OXNAD1: variants seen among roughly 807,000 people sequenced by gnomAD.
OXNAD1 encodes the protein oxidoreductase NAD-binding domain-containing protein 1.
A neutral mutation model predicts 32.9 loss-of-function variants in OXNAD1; 34 were observed. The ratio of observed to expected loss-of-function variants is 1.03; its 90% CI spans 0.79 to 1.38. The LOEUF is 1.38. Among genes scored for constraint, OXNAD1 ranks in the 40% most tolerant of loss-of-function variants. The pLI is 0.00. For synonymous variants in OXNAD1, 134 were observed against 135.2 expected (o/e 0.99, Z 0.06); for missense variants, 407 against 379.4 (o/e 1.07, Z -0.60).
At chr3:16,282,043 T>G in intron 4 of OXNAD1, among the ~76,000 whole-genome samples, 2 of 134,942 alleles carry the variant, frequency 1.5e-5, no homozygotes, top group African/African-American at 5.3e-5. Context: ...TGTAATTTTT[T>G]TTTTTTTTTT....
chr3:16,313,780 C>T (rs1353418385), intron 9 of OXNAD1: 1 of 152,322 alleles, frequency 6.6e-6, no homozygotes, highest in African/African-American at 2.4e-5. Context: ...TTTTCCACTA[C>T]ACCAAGCCCA....
At position 16,284,795 on chromosome 3, in the gene OXNAD1, G is replaced by A. The variant is rs1441489667; in HGVS notation, c.184-1547G>A. Among the ~76,000 whole-genome samples the A allele has an allele frequency of 2.6e-5, 4 of 152,226 alleles. No homozygotes were observed. The South Asian group carries it at 6.2e-4, about 24-fold the overall frequency. Reference sequence around the variant, plus strand: ...GCCCAGAGTCACACAGCTGGTAAGCGGTAGAGCCAGGACTAAATACCAGGC... The same window carrying A: ...GCCCAGAGTCACACAGCTGGTAAGCAGTAGAGCCAGGACTAAATACCAGGC... On this transcript the variant is annotated intron_variant, in intron 4 of 8. Transcript: ENST00000285083. This position sits in a 1 kb window ranked among gnomAD's most constrained non-coding sequence, Gnocchi z 4.1.
intron 1 of OXNAD1, among the ~76,000 whole-genome samples, chr3:16,268,696 T>A (rs1575033265): frequency 6.6e-6 from 1 of 152,312 alleles, no homozygotes; most frequent in Non-Finnish European, 1.5e-5. Context: ...TCAAACAGCA[T>A]AATCATTAAA....
At position 16,271,512 on chromosome 3, in the gene OXNAD1, A is replaced by T; in HGVS notation, c.120-147A>T. The T allele has an allele frequency of 6.1e-6, 4 of 655,672 alleles. No homozygotes were observed. The highest frequency in any genetic ancestry group is 3.1e-5 in the East Asian group (1 of 31,816). 40.6% of individuals were successfully genotyped at this position (655,672 alleles called of 1,614,324 possible). On this transcript the variant is annotated intron_variant, in intron 3 of 8. Coordinates refer to ENST00000285083, the MANE Select transcript of OXNAD1 (RefSeq NM_138381.5). The surrounding 1 kb of genome is among the most constrained non-coding windows in gnomAD (Gnocchi z 4.6). ...AGCCACCATGCCCGGCCAAAACTTT[A>T]GTTAGACGGGCAGATACTCACTGGC...
chr3:16,271,047 C>G lies in OXNAD1; in HGVS notation c.95C>G (p.Thr32Ser), dbSNP rs574928949. ...GCGTCACTGAGATTGACACTCAGCA[C>G]TTTGCGCCACCTTACTCTAACCAGG... ...EAASLRLTLS[T>S]LRHLTLTSIM... Residue 32 changes from threonine to serine, a missense_variant, in exon 3 of 9, where the codon ACT becomes AGT. Transcript: ENST00000285083. This position sits in a 1 kb window ranked among gnomAD's most constrained non-coding sequence, Gnocchi z 4.6. 1 of 1,614,152 alleles carries G rather than the reference C, an allele frequency of 6.2e-7. No homozygotes were observed. The highest frequency in any genetic ancestry group is 2.2e-5 in the East Asian group (1 of 44,882).
At position 16,316,212 on chromosome 3, in the gene OXNAD1, G is replaced by C. The variant is rs1427615842; in HGVS notation, c.*30+12620G>C. 1 of 154,164 alleles carries C rather than the reference G, an allele frequency of 6.5e-6. No individual in the cohort carries two copies. Among genetic ancestry groups the C allele is most frequent in the Non-Finnish European group, 1.4e-5 (1 of 69,216 alleles). 9.5% of individuals were successfully genotyped at this position (154,164 alleles called of 1,614,324 possible). ...TGAACATTCTGCAAAAGTAGGTGCA[G>C]AGACAGAATTACTTCTTCATTTCCA... On this transcript the variant is annotated intron_variant, in intron 9 of 9. Transcript: ENST00000435829. The surrounding 1 kb of genome is among the most constrained non-coding windows in gnomAD (Gnocchi z 4.5).
In OXNAD1 at chr3:16,277,892, A is replaced by G. The variant is rs552579600; in HGVS notation, c.183+6170A>G. Among the ~76,000 whole-genome samples the G allele has an allele frequency of 1.3e-5, 2 of 152,356 alleles. No homozygotes were observed. Among genetic ancestry groups the G allele is most frequent in the Non-Finnish European group, 2.9e-5 (2 of 68,034 alleles). ...TCAAGTTTTATTCATTTTATTCTTA[A>G]GAATCAAAAGAATAAGCAGTCTGAG... is the stretch of plus-strand genomic sequence containing the variant. On this transcript the variant is annotated intron_variant, in intron 4 of 8. Transcript: ENST00000285083. The surrounding 1 kb of genome is among the most constrained non-coding windows in gnomAD (Gnocchi z 4.3).
rs1305317771 is a variant in OXNAD1 at position 16,320,919 on chromosome 3, C to T, written c.*31-16193C>T. On this transcript the variant is annotated intron_variant, in intron 9 of 9. Transcript: ENST00000435829. The surrounding 1 kb of genome is among the most constrained non-coding windows in gnomAD (Gnocchi z 4.5). ...GACAGGATTCAAGTTCCCTTTTTAA[C>T]AGATCACTTGGGCTCTGAATAGGGA... 6.6e-6 allele frequency among the ~76,000 whole-genome samples: 1 copy of T among 152,206 alleles called. No homozygotes were observed. Among genetic ancestry groups the T allele is most frequent in the African/African-American group, 2.4e-5 (1 of 41,444 alleles).
downstream of OXNAD1, among the ~76,000 whole-genome samples, chr3:16,351,639 A>G (rs900206223): frequency 3.3e-5 from 5 of 152,214 alleles, no homozygotes; most frequent in African/African-American, 1.2e-4. This position sits in a 1 kb window ranked among gnomAD's most constrained non-coding sequence, Gnocchi z 5.4. Context: ...TAGGATGCTC[A>G]TGCCCTTCTG....
downstream of OXNAD1, among the ~76,000 whole-genome samples, chr3:16,338,364 ACT>A (rs376391998): frequency 1.1e-3 from 162 of 152,306 alleles, no homozygotes; most frequent in African/African-American, 3.7e-3. This position sits in a 1 kb window ranked among gnomAD's most constrained non-coding sequence, Gnocchi z 5.3. Context: ...GCTGGGGCCA[ACT>A]CTGACCCGTA....
chr3:16,324,613 A>ACCTC (rs1553718055), intron 9 of OXNAD1, among the ~76,000 whole-genome samples: 1 of 90,800 alleles, frequency 1.1e-5, no homozygotes. Flanking sequence ...AATGTCCCTG[A>ACCTC]CCCCCCCCCT....
intron 1 of OXNAD1, among the ~76,000 whole-genome samples, chr3:16,267,747 A>G (rs908136701): frequency 5.3e-5 from 8 of 152,334 alleles, no homozygotes; most frequent in Middle Eastern, 3.4e-3. Context: ...TGGAACTGTA[A>G]TAAAAGCTTC....
In OXNAD1 at chr3:16,345,815, TGTGCGCGCGC is replaced by T. The variant is rs1284981906; in HGVS notation, c.*31-3359_*31-3350del. Among the ~76,000 whole-genome samples, 5 of 82,346 alleles carry T rather than the reference TGTGCGCGCGC, an allele frequency of 6.1e-5. No homozygotes were observed. Among genetic ancestry groups the T allele is most frequent in the African/African-American group, 3.0e-4 (4 of 13,354 alleles). The allele number at this position is 82,346 out of a possible 152,430, so 54.0% of individuals were successfully genotyped here. ...GTGTGTGTGTGTGTGTGTGTGTGTGTGTGCGCGCGCGCGTGCGCGCACGCGCACATGTGCA... is the reference window on the plus strand; with the variant it reads ...GTGTGTGTGTGTGTGTGTGTGTGTGTGCGTGCGCGCACGCGCACATGTGCA... On this transcript the variant is annotated intron_variant, in intron 9 of 9. Coordinates refer to the OXNAD1 transcript ENST00000606098. The surrounding 1 kb of genome is among the most constrained non-coding windows in gnomAD (Gnocchi z 5.2).
At chr3:16,273,384 G>GTTTTTTT in intron 4 of OXNAD1, among the ~76,000 whole-genome samples, 1 of 121,030 alleles carries the variant, frequency 8.3e-6, no homozygotes. Flanking sequence ...GTATTTTCTT[G>GTTTTTTT]TTTTTTTTTT....
rs143354975 is a variant in OXNAD1, at chr3:16,303,675, G to A, written c.*113G>A. ...CTACTTGAGTTGTCTTATTTTTTAAGGCTATAAACTTAGTGACCAGCTGGA... is the reference window on the plus strand; with the variant it reads ...CTACTTGAGTTGTCTTATTTTTTAAAGCTATAAACTTAGTGACCAGCTGGA... On this transcript the variant is annotated 3_prime_UTR_variant, in exon 9 of 9. Transcript: ENST00000285083. The surrounding 1 kb of genome is among the most constrained non-coding windows in gnomAD (Gnocchi z 4.8). 3 of 1,205,370 alleles carry A rather than the reference G, an allele frequency of 2.5e-6. No individual in the cohort carries two copies. In the African/African-American group the frequency reaches 4.7e-5, roughly 19 times the overall value. 74.7% of individuals were successfully genotyped at this position (1,205,370 alleles called of 1,614,324 possible).
chr3:16,286,473 G>T lies in OXNAD1; in HGVS notation c.290+25G>T, dbSNP rs370326537. 3 of 1,578,312 alleles carry T rather than the reference G, an allele frequency of 1.9e-6. No individual in the cohort carries two copies. In the African/African-American group the frequency reaches 4.0e-5, roughly 21 times the overall value. ...GGTAAGTGACTTTTCTGTGTTCCATGTATGTATGTTCAAGAAGGTGCCATC... is the reference window on the plus strand; with the variant it reads ...GGTAAGTGACTTTTCTGTGTTCCATTTATGTATGTTCAAGAAGGTGCCATC... On this transcript the variant is annotated intron_variant, in intron 5 of 8. Transcript: ENST00000285083.
At position 16,348,886 on chromosome 3, in the gene OXNAD1, CCA is replaced by C. The variant is rs1243557048; in HGVS notation, c.*31-283_*31-282del. Among the ~76,000 whole-genome samples the C allele has an allele frequency of 1.3e-5, 2 of 152,210 alleles. No homozygotes were observed. The highest frequency in any genetic ancestry group is 2.4e-5 in the African/African-American group (1 of 41,456). ...CTCTGTGTCCTGCCACTGCCACAAT[CCA>C]CACACATTTCAGAACACCCGAGCAA... On this transcript the variant is annotated intron_variant, in intron 9 of 9. Transcript: ENST00000606098. The surrounding 1 kb of genome is among the most constrained non-coding windows in gnomAD (Gnocchi z 6.3).
At chr3:16,347,108 C>G (rs2071774239) in intron 9 of OXNAD1, among the ~76,000 whole-genome samples, 1 of 152,222 alleles carries the variant, frequency 6.6e-6, no homozygotes, top group Non-Finnish European at 1.5e-5. Context: ...GGCCCTTTCT[C>G]CAGGGCCAAT....
At chr3:16,294,086 C>T (rs1448081991) in intron 5 of OXNAD1, among the ~76,000 whole-genome samples, 1 of 152,098 alleles carries the variant, frequency 6.6e-6, no homozygotes, top group Non-Finnish European at 1.5e-5. Flanking sequence ...ATACTGGCCT[C>T]ATAAAATGAG....
Sources: allele counts gnomAD v4.1 joint callset (sites outside exome capture counted in the v4.1 genomes callset), GRCh38; gene constraint gnomAD v4.1.1; non-coding constraint Gnocchi (gnomAD v3.1); transcripts MANE v1.5; gene names NCBI Gene and HGNC (gene_info 2026-07-23, HGNC 2026-07-21).